DPY19L1: variants seen among roughly 807,000 people sequenced by gnomAD.
DPY19L1 encodes dpy-19 like C-mannosyltransferase 1, also known as protein C-mannosyl-transferase DPY19L1.
In DPY19L1, 35 loss-of-function variants were observed where a neutral mutation model predicts 96.9. The ratio of observed to expected loss-of-function variants is 0.36; its 90% CI spans 0.28 to 0.48. The LOEUF (loss-of-function observed/expected upper bound fraction) is 0.48, where lower values mean the gene tolerates loss of function less well. Ranked by LOEUF, DPY19L1 falls within the 20% of genes least tolerant of loss-of-function variation. The pLI is 0.99. For synonymous variants in DPY19L1, 205 were observed against 252.6 expected (o/e 0.81, Z 1.79); for missense variants, 521 against 777.9 (o/e 0.67, Z 3.93).
chr7:35,007,695 CA>C (rs1156236572), intron 6 of DPY19L1, among the ~76,000 whole-genome samples: 2 of 151,350 alleles, frequency 1.3e-5, no homozygotes, highest in African/African-American at 4.8e-5. Context: ...TACTTTGCAG[CA>C]TTTTTTTTTC....
chr7:35,010,616 G>A, intron 5 of DPY19L1, 55 bp from the exon 6 acceptor site: 2 of 1,049,060 alleles, frequency 1.9e-6, no homozygotes, highest in Non-Finnish European at 2.9e-6. Flanking sequence ...ATTACCTTAC[G>A]TGTCTAGCAA....
At chr7:34,973,767 G>A (rs1784777122) in intron 7 of DPY19L1, among the ~76,000 whole-genome samples, 162 bp from the exon 8 acceptor site, 1 of 152,122 alleles carries the variant, frequency 6.6e-6, no homozygotes, top group African/African-American at 2.4e-5. Flanking sequence ...AAACTAGCAT[G>A]TGACAAATAT....
chr7:34,957,280 G>C (rs1184496417), intron 11 of DPY19L1, among the ~76,000 whole-genome samples: 1 of 152,146 alleles, frequency 6.6e-6, no homozygotes, highest in Admixed American at 6.5e-5. Flanking sequence ...TACTTGGAAG[G>C]CTGAGGCAGG....
At chr7:35,017,367 C>A (rs329237) in intron 3 of DPY19L1, among the ~76,000 whole-genome samples, 7 of 151,442 alleles carry the variant, frequency 4.6e-5, no homozygotes, top group Non-Finnish European at 4.4e-5. Flanking sequence ...CGGTGGCGGG[C>A]GCCTGTAGTC....
At chr7:35,018,474 T>C in intron 2 of DPY19L1, 98 bp downstream of exon 2, 3 of 1,101,576 alleles carry the variant, frequency 2.7e-6, no homozygotes, top group South Asian at 1.4e-5. Flanking sequence ...ATATTCATAC[T>C]GATCATGCTG....
chr7:35,019,609 A>G (rs1486444168), intron 1 of DPY19L1, among the ~76,000 whole-genome samples: 2 of 152,072 alleles, frequency 1.3e-5, no homozygotes, highest in Admixed American at 1.3e-4. Context: ...GGAAGGAAGA[A>G]TAAGGAGGAA....
intron 7 of DPY19L1, among the ~76,000 whole-genome samples, chr7:34,975,748 T>A (rs1784817650): frequency 6.6e-6 from 1 of 152,168 alleles, no homozygotes; most frequent in African/African-American, 2.4e-5. Context: ...TTGAAGCCAA[T>A]ATTCATTGAC....
At chr7:34,940,131 T>C in intron 19 of DPY19L1, 22 bp downstream of exon 19, 2 of 1,459,910 alleles carry the variant, frequency 1.4e-6, no homozygotes, top group Middle Eastern at 2.0e-4. Flanking sequence ...TATGACTTTT[T>C]TTTTCTTTTT....
At chr7:34,946,309 C>T (rs1228899354) in intron 15 of DPY19L1, among the ~76,000 whole-genome samples, 1 of 152,188 alleles carries the variant, frequency 6.6e-6, no homozygotes, top group Non-Finnish European at 1.5e-5. Flanking sequence ...ATAACACTTT[C>T]CTTATCAGTC....
intron 6 of DPY19L1, among the ~76,000 whole-genome samples, chr7:34,999,903 G>A (rs1237626525): frequency 6.6e-6 from 1 of 152,140 alleles, no homozygotes; most frequent in Non-Finnish European, 1.5e-5. Flanking sequence ...GCGGACTATG[G>A]TTTTACGTAT....
intron 16 of DPY19L1, among the ~76,000 whole-genome samples, chr7:34,943,237 CA>C (rs1463961187): frequency 6.6e-6 from 1 of 152,268 alleles, no homozygotes; most frequent in South Asian, 2.1e-4. Context: ...GATATATTAG[CA>C]AACTCAGGAC....
rs557298941 is a variant in DPY19L1 at position 35,003,168 on chromosome 7, T to C, written c.764+7300A>G. ...ACACATTTTGCAAAGTTTCATAAAA[T>C]GTTTACTTCCCAGCTATCTACTCTC... On this transcript the variant is annotated intron_variant, in intron 6 of 21. Coordinates refer to ENST00000638088, the MANE Select transcript of DPY19L1 (RefSeq NM_001366673.1). 5.9e-5 allele frequency among the ~76,000 whole-genome samples: 9 copies of C among 152,284 alleles called. No homozygotes were observed. In the South Asian group the frequency reaches 1.7e-3, roughly 28 times the overall value.
At chr7:34,953,063 TG>T (rs2128785320) in intron 13 of DPY19L1, among the ~76,000 whole-genome samples, 1 of 152,186 alleles carries the variant, frequency 6.6e-6, no homozygotes, top group African/African-American at 2.4e-5. Flanking sequence ...CCTGTACTAC[TG>T]GAACAGGCTG....
At chr7:34,975,441 A>G (rs932191132) in intron 7 of DPY19L1, among the ~76,000 whole-genome samples, 5 of 152,202 alleles carry the variant, frequency 3.3e-5, no homozygotes, top group African/African-American at 1.2e-4. Flanking sequence ...CTGCAGAAGA[A>G]AAGTTTGAAC....
intron 19 of DPY19L1, 128 bp from the exon 20 acceptor site, chr7:34,939,503 A>G (rs968745007): frequency 1.2e-5 from 8 of 661,832 alleles, no homozygotes; most frequent in Non-Finnish European, 2.0e-5. Flanking sequence ...TTCAAGATTC[A>G]ATGGCAGAAC....
chr7:35,021,949 C>T (rs1786004441), intron 1 of DPY19L1, among the ~76,000 whole-genome samples: 1 of 152,056 alleles, frequency 6.6e-6, no homozygotes, highest in Non-Finnish European at 1.5e-5. Flanking sequence ...AATTGAAATA[C>T]ATTACACATA....
chr7:34,942,913 C>T (rs1368962330), intron 16 of DPY19L1, among the ~76,000 whole-genome samples: 1 of 152,122 alleles, frequency 6.6e-6, no homozygotes, highest in Non-Finnish European at 1.5e-5. Context: ...GTCCCAGCTC[C>T]CTCACTGGTG....
At chr7:34,992,941 A>T (rs1785205220) in intron 6 of DPY19L1, among the ~76,000 whole-genome samples, 1 of 152,184 alleles carries the variant, frequency 6.6e-6, no homozygotes, top group Non-Finnish European at 1.5e-5. Flanking sequence ...TGCCTATATA[A>T]ATGAAACCTA....
intron 15 of DPY19L1, among the ~76,000 whole-genome samples, chr7:34,946,207 C>T (rs780264227): frequency 6.6e-6 from 1 of 152,214 alleles, no homozygotes; most frequent in African/African-American, 2.4e-5. Flanking sequence ...GTCATCTAAT[C>T]TAAAATCGTA....
Sources: gnomAD v4.1 joint callset for allele counts (sites outside exome capture counted in the v4.1 genomes callset) on GRCh38, gnomAD v4.1.1 for gene constraint, MANE v1.5 for transcripts, NCBI Gene and HGNC (gene_info 2026-07-23, HGNC 2026-07-21) for gene names.